The following PCDHA6 variants were observed in gnomAD, a reference collection of about 807,000 sequenced individuals.
PCDHA6 encodes protocadherin alpha 6.
Under a neutral mutation model 60.3 loss-of-function variants are expected in PCDHA6, and 55 were observed. That is an observed-to-expected ratio of 0.91 (90% CI 0.73 to 1.14). The LOEUF is 1.14. PCDHA6 is among the 50% of genes most tolerant of loss of function. The probability of loss-of-function intolerance (pLI) is 0.00; values close to 1 mark genes in which losing one functional copy is unlikely to be tolerated. For missense variants in PCDHA6, 1,327 were observed against 1,256.5 expected, an observed-to-expected ratio of 1.06 and a Z score of -0.85; for synonymous variants, 652 against 557.9, an observed-to-expected ratio of 1.17 and a Z score of -2.38.
At position 141,009,997 on chromosome 5, in the gene PCDHA6, A is replaced by C; in HGVS notation, c.*60A>C. 1 of 1,576,442 alleles carries C rather than the reference A, an allele frequency of 6.3e-7. No individual in the cohort carries two copies. The highest frequency in any genetic ancestry group is 2.2e-5 in the East Asian group (1 of 44,650). On this transcript the variant is annotated 3_prime_UTR_variant, in exon 4 of 4. Transcript: ENST00000529310. ...TTTGTAATAATGGCAAATCTCTCCC[A>C]TGTAGCAATTCCCTGCTCCTTTTTC...
At position 140,978,930 on chromosome 5, in the gene PCDHA6, T is replaced by C; in HGVS notation, c.2395-19T>C. On this transcript the variant is annotated intron_variant, in intron 1 of 3. Transcript: ENST00000529310. ...TTGTCTTGTCATTTTAACAGAAAAC[T>C]CTCTTTGTGATTTTGCAGCCACGAC... 2 of 1,614,088 alleles carry C rather than the reference T, an allele frequency of 1.2e-6. No individual in the cohort carries two copies. Among genetic ancestry groups the C allele is most frequent in the South Asian group, 1.1e-5 (1 of 91,072 alleles).
At chr5:140,833,751 AAC>A (rs2150210782) in intron 1 of PCDHA6, among the ~76,000 whole-genome samples, 1,564 of 151,344 alleles carry the variant, frequency 0.01, 31 homozygotes, top group African/African-American at 0.036. Context: ...CTAAAAAGAA[AAC>A]ACACACACAC....
Position 140,850,168 on chromosome 5 carries a change from A to G in PCDHA6, c.2394+19683A>G. 6.3e-7 allele frequency: 1 copy of G among 1,594,824 alleles called. No homozygotes were observed. The highest frequency in any genetic ancestry group is 8.6e-7 in the Non-Finnish European group (1 of 1,167,786). ...ACGCTGCAGGTGTTCGTGCTGGACGAGAACGACAATGCGCCGGCGCTGCTG... is the reference window on the plus strand; with the variant it reads ...ACGCTGCAGGTGTTCGTGCTGGACGGGAACGACAATGCGCCGGCGCTGCTG... On this transcript the variant is annotated intron_variant, in intron 1 of 3. Coordinates refer to ENST00000529310, the MANE Select transcript of PCDHA6 (RefSeq NM_018909.4).
chr5:140,966,813 T>C (rs2096057002), intron 1 of PCDHA6: 2 of 1,551,874 alleles, frequency 1.3e-6, no homozygotes, highest in Non-Finnish European at 8.7e-7. Context: ...CATCCACGGC[T>C]CCGGCGGCCC....
At chr5:140,928,235 C>T (rs1455319165) in intron 1 of PCDHA6, 9 of 1,614,090 alleles carry the variant, frequency 5.6e-6, no homozygotes, top group African/African-American at 1.3e-5. Context: ...TTTCCTCAAC[C>T]CCAGCAGGAA....
intron 2 of PCDHA6, among the ~76,000 whole-genome samples, chr5:140,981,835 T>C (rs991736759): frequency 6.6e-6 from 1 of 152,162 alleles, no homozygotes; most frequent in Non-Finnish European, 1.5e-5. Context: ...TCTAAAGGTC[T>C]CCCAGTTTGT....
Position 140,840,718 on chromosome 5 carries a change from A to G in PCDHA6, c.2394+10233A>G, listed in dbSNP as rs2150309137. Among the ~76,000 whole-genome samples, 16 of 152,124 alleles carry G rather than the reference A, an allele frequency of 1.1e-4. 1 individual carries two copies. The South Asian group carries it at 3.3e-3, about 32-fold the overall frequency. On this transcript the variant is annotated intron_variant, in intron 1 of 3. Transcript: ENST00000529310. ...GTTCAGGCAATTTGACATTTATTGA[A>G]TAAAGAAAAGCAAAAATTTAACAAT...
chr5:141,010,462 T>A lies in PCDHA6; in HGVS notation c.*525T>A. On this transcript the variant is annotated 3_prime_UTR_variant, in exon 4 of 4. Transcript: ENST00000529310. ...ACAAATAAACAGCGGAAGTTATCAGTATGGAGGGGAAGTGTAAACTTAAAG... is the reference window on the plus strand; with the variant it reads ...ACAAATAAACAGCGGAAGTTATCAGAATGGAGGGGAAGTGTAAACTTAAAG... The A allele has an allele frequency of 2.4e-6, 2 of 822,568 alleles. No individual in the cohort carries two copies. Among genetic ancestry groups the A allele is most frequent in the Non-Finnish European group, 3.6e-6 (2 of 552,664 alleles). The allele number at this position is 822,568 out of a possible 1,614,324, so 51.0% of individuals were successfully genotyped here.
intron 1 of PCDHA6, chr5:140,875,784 C>T (rs782115108): frequency 3.7e-5 from 60 of 1,614,200 alleles, no homozygotes; most frequent in Non-Finnish European, 5.0e-5. Flanking sequence ...AGTGCAGTAT[C>T]CACCTGGAGG....
Position 140,881,379 on chromosome 5 carries a change from C to T in PCDHA6, c.2394+50894C>T, listed in dbSNP as rs1235654163. ...TGGCTTTCGTATGAATTGCAGCCGG[C>T]GGCGGTAAGTTAAATTCTATTAAAT... On this transcript the variant is annotated intron_variant, in intron 1 of 3. Transcript: ENST00000529310. The T allele has an allele frequency of 7.1e-6, 7 of 984,332 alleles. No individual in the cohort carries two copies. In the African/African-American group the frequency reaches 1.0e-4, roughly 15 times the overall value. 61.0% of individuals were successfully genotyped at this position (984,332 alleles called of 1,614,324 possible).
Position 141,009,778 on chromosome 5 carries a change from C to T in PCDHA6, c.2694C>T (p.Ser898=). Residue 898 remains serine, a synonymous_variant, in exon 4 of 4, where the codon TCC becomes TCT. Transcript: ENST00000529310. ...FIIPGSPAII[S]IRQEPTNSQI... ...TCCCAGGATCTCCTGCAATCATCTCCATCCGGCAGGAGCCTACTAACAGCC... is the reference window on the plus strand; with the variant it reads ...TCCCAGGATCTCCTGCAATCATCTCTATCCGGCAGGAGCCTACTAACAGCC... 1.2e-6 allele frequency: 2 copies of T among 1,614,122 alleles called. No homozygotes were observed.
At chr5:140,870,452 A>G in intron 1 of PCDHA6, 1 of 1,614,168 alleles carries the variant, frequency 6.2e-7, no homozygotes, top group Non-Finnish European at 8.5e-7. Context: ...GTGAACGACA[A>G]TGCGCCTGCG....
At chr5:140,858,446 T>C in intron 1 of PCDHA6, 1 of 1,533,674 alleles carries the variant, frequency 6.5e-7, no homozygotes, top group Non-Finnish European at 8.9e-7. Context: ...GGTGGGTTAT[T>C]ACGTTTTCAT....
intron 1 of PCDHA6, among the ~76,000 whole-genome samples, chr5:140,976,053 A>G (rs1174656934): frequency 2.6e-5 from 4 of 152,222 alleles, no homozygotes; most frequent in Non-Finnish European, 5.9e-5. Flanking sequence ...AAATTGTGAT[A>G]GTAATATATG....
intron 1 of PCDHA6, among the ~76,000 whole-genome samples, chr5:140,881,772 C>A (rs1253242879): frequency 6.6e-6 from 1 of 152,200 alleles, no homozygotes; most frequent in Admixed American, 6.5e-5. Context: ...CATGACTATG[C>A]AGAACTACCG....
rs1197657289 is a variant in PCDHA6 at position 140,900,491 on chromosome 5, G to A, written c.2394+70006G>A. Among the ~76,000 whole-genome samples the A allele has an allele frequency of 2.6e-5, 4 of 152,160 alleles. No homozygotes were observed. The East Asian group carries it at 7.7e-4, about 29-fold the overall frequency. On this transcript the variant is annotated intron_variant, in intron 1 of 3. Transcript: ENST00000529310. ...GGAGTTTCTCCATGTTGGTCAGACT[G>A]GTCTCAAATTCCCAGCCTCAGGTGA...
intron 1 of PCDHA6, chr5:140,870,816 C>A: frequency 4.3e-6 from 7 of 1,613,668 alleles, no homozygotes; most frequent in Admixed American, 1.7e-5. Flanking sequence ...AGGCTGGCAG[C>A]GCGGGAGGCG....
chr5:140,857,735 G>A (rs782288464), intron 1 of PCDHA6: 1 of 1,597,334 alleles, frequency 6.3e-7, no homozygotes. Context: ...CAACGCTCCC[G>A]CGCTGCTGGC....
intron 1 of PCDHA6, among the ~76,000 whole-genome samples, chr5:140,936,534 T>C (rs1327354780): frequency 1.3e-5 from 2 of 152,230 alleles, no homozygotes; most frequent in African/African-American, 2.4e-5. Context: ...TGCTTTTGAA[T>C]ATAGTGCAAT....
Sources: allele counts gnomAD v4.1 joint callset (sites outside exome capture counted in the v4.1 genomes callset), GRCh38; gene constraint gnomAD v4.1.1; transcripts MANE v1.5; gene names NCBI Gene and HGNC (gene_info 2026-07-23, HGNC 2026-07-21).